Variants in FGFR3 observed in about 807,000 individuals in gnomAD.
The protein encoded by FGFR3 is fibroblast growth factor receptor 3, also known as FGFR-3.
In FGFR3, 25 loss-of-function variants were observed where a neutral mutation model predicts 82.9. That is an observed-to-expected ratio of 0.30 (90% confidence interval 0.22 to 0.42). The LOEUF is 0.42. Among genes scored for constraint, FGFR3 ranks in the 10% least tolerant of loss-of-function variants. The probability of loss-of-function intolerance (pLI) is 1.00; values close to 1 mark genes in which losing one functional copy is unlikely to be tolerated. For missense variants in FGFR3, 1,026 were observed against 1,161.0 expected, an observed-to-expected ratio of 0.88 and a Z score of 1.69; for synonymous variants, 620 against 516.0, an observed-to-expected ratio of 1.20 and a Z score of -2.73.
Position 1,803,708 on chromosome 4 carries a change from C to T in FGFR3, c.947C>T (p.Thr316Ile), listed in dbSNP as rs1275078124. ...TCTTTGTAGACGGCGGGCGCTAACA[C>T]CACCGACAAGGAGCTAGAGGTTCTC... ...VTVLKTAGAN[T>I]TDKELEVLSL... Residue 316 changes from threonine to isoleucine, a missense_variant, in exon 8 of 18, where the codon ACC becomes ATC. By Grantham distance (89) the Thr-to-Ile change is moderately conservative. Around this residue, in one of 9 missense-constraint regions of FGFR3, gnomAD observed 256 missense variants for 217.6 expected, o/e 1.18. Coordinates refer to ENST00000440486, the MANE Select transcript of FGFR3 (RefSeq NM_000142.5). 3 of 1,613,830 alleles carry T rather than the reference C, an allele frequency of 1.9e-6. No individual in the cohort carries two copies. In the East Asian group the frequency reaches 6.7e-5, roughly 36 times the overall value.
rs1166671494 is a variant in FGFR3 at position 1,803,721 on chromosome 4, G to A, written c.960G>A (p.Glu320=). The part of the protein sequence containing the change: ...KTAGANTTDK[E]LEVLSLHNVT... Reference sequence around the variant, plus strand: ...CGGGCGCTAACACCACCGACAAGGAGCTAGAGGTTCTCTCCTTGCACAACG... The same window carrying A: ...CGGGCGCTAACACCACCGACAAGGAACTAGAGGTTCTCTCCTTGCACAACG... Residue 320 remains glutamate (E), a synonymous_variant, in exon 8 of 18, where the codon GAG becomes GAA. Transcript: ENST00000440486. The A allele has an allele frequency of 2.5e-6, 4 of 1,613,862 alleles. No homozygotes were observed. The highest frequency in any genetic ancestry group is 3.3e-5 in the Admixed American group (2 of 60,000).
rs1560437744 is a variant in FGFR3, at chr4:1,805,483, A to G, written c.1534+7A>G. 6.2e-7 allele frequency: 1 copy of G among 1,612,026 alleles called. No individual in the cohort carries two copies. The highest frequency in any genetic ancestry group is 2.2e-5 in the East Asian group (1 of 44,856). On this transcript the variant is annotated splice_region_variant and intron_variant, in intron 11 of 17. Coordinates refer to ENST00000440486, the MANE Select transcript of FGFR3 (RefSeq NM_000142.5). ...GCCGTGAAGATGCTGAAAGGTGAGGAGGGGGCGGCCAGGGGTGCAGAGCAG... is the reference window on the plus strand; with the variant it reads ...GCCGTGAAGATGCTGAAAGGTGAGGGGGGGGCGGCCAGGGGTGCAGAGCAG...
chr4:1,799,140 T>C (rs1720880706), intron 2 of FGFR3, 114 bp from the exon 3 acceptor site: 5 of 1,450,294 alleles, frequency 3.4e-6, no homozygotes, highest in Non-Finnish European at 2.9e-6. Context: ...GGTGGGACCC[T>C]GGATCTGGGT....
chr4:1,803,261 C>T (rs906497596), intron 7 of FGFR3: 35 of 649,412 alleles, frequency 5.4e-5, no homozygotes, highest in Non-Finnish European at 7.7e-5. Context: ...CTGCGCCGAC[C>T]CTTCCCGCAC....
Position 1,799,297 on chromosome 4 carries a change from C to A in FGFR3, c.153C>A (p.Phe51Leu), listed in dbSNP as rs763132475. 4 of 1,612,722 alleles carry A rather than the reference C, an allele frequency of 2.5e-6. No homozygotes were observed. The South Asian group carries it at 3.3e-5, about 13-fold the overall frequency. Residue 51 changes from phenylalanine (F) to leucine (L), a missense_variant, in exon 3 of 18, where the codon TTC becomes TTA. Coordinates refer to ENST00000440486, the MANE Select transcript of FGFR3 (RefSeq NM_000142.5). The stretch of plus-strand genomic sequence containing the variant: ...CCGGCCAGCAGGAGCAGTTGGTCTT[C>A]GGCAGCGGGGATGCTGTGGAGCTGA... The part of the protein sequence containing the change: ...PEPGQQEQLV[F>L]GSGDAVELSC...
rs1016803338 is a variant in FGFR3 at position 1,807,435 on chromosome 4, CTGTGTGCG to C, written c.*176_*183del. 5.9e-6 allele frequency: 6 copies of C among 1,013,102 alleles called. No homozygotes were observed. The highest frequency in any genetic ancestry group is 2.3e-4 in the Middle Eastern group (1 of 4,376). The allele number at this position is 1,013,102 out of a possible 1,614,324, so 62.8% of individuals were successfully genotyped here. ...TGTGTGTGTGCACATCCGCGTGTGC[CTGTGTGCG>C]TGCGCATCTTGCCTCCAGGTGCAGA... On this transcript the variant is annotated 3_prime_UTR_variant, in exon 18 of 18. Transcript: ENST00000440486.
At chr4:1,803,125 C>A in intron 7 of FGFR3, 1 of 1,436,670 alleles carries the variant, frequency 7.0e-7, no homozygotes, top group South Asian at 1.5e-5. Flanking sequence ...CCTGGCCGCG[C>A]GCCCTGCACG....
At chr4:1,798,691 G>A (rs1163166770) in intron 2 of FGFR3, among the ~76,000 whole-genome samples, 3 of 152,098 alleles carry the variant, frequency 2.0e-5, no homozygotes, top group South Asian at 4.1e-4. Flanking sequence ...TGCTTTTCAG[G>A]CTCATATGGG....
chr4:1,805,278 C>A, intron 10 of FGFR3, 77 bp from the exon 11 acceptor site: 1 of 1,593,786 alleles, frequency 6.3e-7, no homozygotes, highest in South Asian at 1.1e-5. Context: ...AGGGCTGGGC[C>A]AGGCTGGGGT....
chr4:1,795,333 C>T (rs1433890220), intron 2 of FGFR3, among the ~76,000 whole-genome samples: 3 of 151,950 alleles, frequency 2.0e-5, no homozygotes, highest in African/African-American at 7.2e-5. Context: ...CAGCCAGCCC[C>T]GGGGAAGGGC....
chr4:1,806,825 G>T lies in FGFR3; in HGVS notation c.2169-4G>T, dbSNP rs758292253. 1 of 1,601,794 alleles carries T rather than the reference G, an allele frequency of 6.2e-7. No individual in the cohort carries two copies. On this transcript the variant is annotated splice_region_variant and splice_polypyrimidine_tract_variant and intron_variant, in intron 16 of 17. Transcript: ENST00000440486. ...GGGCTCACTCCTGAGCGCCCTGCCC[G>T]CAGGTACATGATCATGCGGGAGTGC...
rs1462872147 is a variant in FGFR3 at position 1,807,792 on chromosome 4, CTG to C, written c.*531_*532del. The C allele has an allele frequency of 3.9e-6, 2 of 518,872 alleles. No individual in the cohort carries two copies. Among genetic ancestry groups the C allele is most frequent in the African/African-American group, 3.8e-5 (2 of 53,156 alleles). The allele number at this position is 518,872 out of a possible 1,614,324, so 32.1% of individuals were successfully genotyped here. ...CACTTCCCACCCTGCCCCTCAGAGA[CTG>C]AAATTACGGGTACCTGAAGATGGGA... On this transcript the variant is annotated 3_prime_UTR_variant, in exon 18 of 18. Coordinates refer to ENST00000440486, the MANE Select transcript of FGFR3 (RefSeq NM_000142.5).
chr4:1,799,460 G>A lies in FGFR3; in HGVS notation c.316G>A (p.Ala106Thr), dbSNP rs369634049. Residue 106 changes from alanine (A) to threonine (T), a missense_variant, in exon 3 of 18, where the codon GCC (alanine) becomes ACC (threonine). Ala to Thr is a moderately conservative substitution (Grantham distance 58). Transcript: ENST00000440486. ...GAATGCCTCCCACGAGGACTCCGGG[G>A]CCTACAGCTGCCGGCAGCGGCTCAC... ...VLNASHEDSG[A>T]YSCRQRLTQR... 18 of 1,599,460 alleles carry A rather than the reference G, an allele frequency of 1.1e-5. No individual in the cohort carries two copies. The African/African-American group carries it at 2.1e-4, about 19-fold the overall frequency.
chr4:1,806,408 C>G (rs985080078), intron 15 of FGFR3, 81 bp downstream of exon 15: 1 of 1,596,432 alleles, frequency 6.3e-7, no homozygotes, highest in South Asian at 1.1e-5. Flanking sequence ...AGTCCCCAGG[C>G]CTGTGCCCTG....
chr4:1,794,169 T>G, intron 2 of FGFR3, 126 bp downstream of exon 2: 1 of 445,398 alleles, frequency 2.2e-6, no homozygotes, highest in Non-Finnish European at 3.7e-6. Context: ...AGAGCCCGGA[T>G]TCCGCTGCCT....
chr4:1,799,438 T>C lies in FGFR3; in HGVS notation c.294T>C (p.Asn98=), dbSNP rs1720924888. The part of the protein sequence containing the change: ...LVGPQRLQVL[N]ASHEDSGAYS... ...GGCCCCAGCGGCTGCAGGTGCTGAA[T>C]GCCTCCCACGAGGACTCCGGGGCCT... The change falls in exon 3 of 18, where the codon AAT becomes AAC. Residue 98 remains asparagine, a synonymous_variant. Coordinates refer to ENST00000440486, the MANE Select transcript of FGFR3 (RefSeq NM_000142.5). 5.0e-6 allele frequency: 8 copies of C among 1,609,712 alleles called. No individual in the cohort carries two copies. The highest frequency in any genetic ancestry group is 6.8e-6 in the Non-Finnish European group (8 of 1,178,694).
At chr4:1,797,471 T>A (rs1367771027) in intron 2 of FGFR3, among the ~76,000 whole-genome samples, 2 of 152,074 alleles carry the variant, frequency 1.3e-5, no homozygotes, top group African/African-American at 4.8e-5. Flanking sequence ...GGCTGCTGTG[T>A]CCCCCGTCCC....
At chr4:1,794,680 G>A (rs186406291) in intron 2 of FGFR3, among the ~76,000 whole-genome samples, 1 of 152,266 alleles carries the variant, frequency 6.6e-6, no homozygotes, top group Non-Finnish European at 1.5e-5. Flanking sequence ...GGTCCCGCGG[G>A]ACGTCGAGGG....
At chr4:1,802,302 G>A (rs1033332116) in intron 7 of FGFR3, among the ~76,000 whole-genome samples, 7 of 152,192 alleles carry the variant, frequency 4.6e-5, no homozygotes, top group African/African-American at 1.4e-4. Context: ...GGGTGGGTGC[G>A]GCTTGGGCAG....
Sources: allele counts gnomAD v4.1 joint callset (sites outside exome capture counted in the v4.1 genomes callset), GRCh38; gene constraint gnomAD v4.1.1; regional missense constraint gnomAD v4.1.1; transcripts MANE v1.5; gene names NCBI Gene and HGNC (gene_info 2026-07-23, HGNC 2026-07-21).